The following MAML3 variants were observed in gnomAD, a reference collection of about 807,000 sequenced individuals.
The protein encoded by MAML3 is mastermind like transcriptional coactivator 3.
MAML3 carries 27 observed loss-of-function variants against 101.9 expected under a neutral mutation model. The ratio of observed to expected loss-of-function variants is 0.27; its 90% CI spans 0.20 to 0.37. The LOEUF is 0.37. Among genes scored for constraint, MAML3 ranks in the 10% least tolerant of loss-of-function variants. The pLI is 1.00. For missense variants in MAML3, 1,316 were observed against 1,444.9 expected, an observed-to-expected ratio of 0.91 and a Z score of 1.45; for synonymous variants, 501 against 555.9, an observed-to-expected ratio of 0.90 and a Z score of 1.39.
chr4:139,737,346 G>T (rs1728985654), intron 2 of MAML3, among the ~76,000 whole-genome samples: 1 of 88,488 alleles, frequency 1.1e-5, no homozygotes, highest in South Asian at 4.5e-4. Flanking sequence ...TTTCTGAGAG[G>T]TTAAGGAACT....
chr4:139,728,731 C>T (rs1470091451), intron 3 of MAML3, among the ~76,000 whole-genome samples: 1 of 152,186 alleles, frequency 6.6e-6, no homozygotes, highest in Admixed American at 6.5e-5. Context: ...TCTCCCCTGA[C>T]CTCTCACCTC....
intron 2 of MAML3, among the ~76,000 whole-genome samples, chr4:139,786,825 C>T (rs142328547): frequency 6.6e-6 from 1 of 152,130 alleles, no homozygotes; most frequent in Admixed American, 6.5e-5. Flanking sequence ...CAGGTTAATG[C>T]TAGTACAGTT....
intron 1 of MAML3, among the ~76,000 whole-genome samples, chr4:140,107,017 C>T (rs180837331): frequency 4.3e-4 from 65 of 152,070 alleles, no homozygotes; most frequent in African/African-American, 1.4e-3. Context: ...ATTACAGGCA[C>T]CTGCTACCAT....
At chr4:140,011,137 ACACATATGTC>A (rs1726550272) in intron 1 of MAML3, among the ~76,000 whole-genome samples, 1 of 114,758 alleles carries the variant, frequency 8.7e-6, no homozygotes, top group South Asian at 2.9e-4. Flanking sequence ...ATATATATAT[ACACATATGTC>A]ATATATATTT....
chr4:139,789,606 T>G (rs1029295107), intron 2 of MAML3, among the ~76,000 whole-genome samples: 1 of 152,066 alleles, frequency 6.6e-6, no homozygotes, highest in Admixed American at 6.5e-5. Flanking sequence ...TTGAATGTCA[T>G]GTAAGCAGTT....
rs1560883570 is a variant in MAML3 at position 140,069,408 on chromosome 4, GA to G, written c.468+83451del. ...GAAGGAGGAGGAGGAGGAGGAGGAG[GA>G]GGAGGAGGAGGGGAAGGAGGAGAAG... is the stretch of plus-strand genomic sequence containing the variant. On this transcript the variant is annotated intron_variant, in intron 1 of 4. Transcript: ENST00000509479. Among the ~76,000 whole-genome samples the G allele has an allele frequency of 1.6e-3, 161 of 102,550 alleles. 8 individuals are homozygous for G. The highest frequency in any genetic ancestry group is 6.6e-3 in the African/African-American group (152 of 22,972). The allele number at this position is 102,550 out of a possible 152,430, so 67.3% of individuals were successfully genotyped here.
chr4:139,836,179 C>T (rs1578624162), intron 2 of MAML3, among the ~76,000 whole-genome samples: 1 of 152,240 alleles, frequency 6.6e-6, no homozygotes, highest in Non-Finnish European at 1.5e-5. Context: ...AGATAAACTA[C>T]ATCATAAAGT....
At chr4:140,127,579 T>C (rs1266161016) in intron 1 of MAML3, among the ~76,000 whole-genome samples, 1 of 152,150 alleles carries the variant, frequency 6.6e-6, no homozygotes, top group Non-Finnish European at 1.5e-5. Flanking sequence ...CTCTACTTTT[T>C]TGGAGAAAAC....
At chr4:140,055,000 A>G (rs896661565) in intron 1 of MAML3, among the ~76,000 whole-genome samples, 3 of 152,238 alleles carry the variant, frequency 2.0e-5, no homozygotes, top group Non-Finnish European at 4.4e-5. Flanking sequence ...ACCTCTTGAA[A>G]TAACAAATTT....
chr4:140,153,717 T>G lies in MAML3; in HGVS notation c.-390A>C, dbSNP rs1446419750. Reference sequence around the variant, plus strand: ...TAAATTCCAGGAGATTTCCGGTGGTTGGCAAGCATTTTCTCCCTACATACC... The same window carrying G: ...TAAATTCCAGGAGATTTCCGGTGGTGGGCAAGCATTTTCTCCCTACATACC... On this transcript the variant is annotated 5_prime_UTR_variant, in exon 1 of 5. Transcript: ENST00000509479. 1 of 194,628 alleles carries G rather than the reference T, an allele frequency of 5.1e-6. No homozygotes were observed. Among genetic ancestry groups the G allele is most frequent in the East Asian group, 1.5e-4 (1 of 6,708 alleles). 12.1% of individuals were successfully genotyped at this position (194,628 alleles called of 1,614,324 possible).
chr4:140,148,211 G>T (rs1003955792), intron 1 of MAML3, among the ~76,000 whole-genome samples: 4 of 152,132 alleles, frequency 2.6e-5, no homozygotes, highest in African/African-American at 9.7e-5. Context: ...AGGATAGAAA[G>T]TATCAAGCAT....
At chr4:139,838,893 G>C (rs1449372595) in intron 2 of MAML3, among the ~76,000 whole-genome samples, 2 of 152,276 alleles carry the variant, frequency 1.3e-5, no homozygotes, top group East Asian at 3.9e-4. Context: ...CAATGGTGTT[G>C]TGGTTTGCTT....
intron 1 of MAML3, among the ~76,000 whole-genome samples, chr4:140,103,171 C>G: frequency 6.6e-6 from 1 of 152,128 alleles, no homozygotes; most frequent in East Asian, 1.9e-4. Context: ...AGATAATATA[C>G]AATTTAATTT....
chr4:140,094,154 A>ATTTC (rs1728110589), intron 1 of MAML3, among the ~76,000 whole-genome samples: 1 of 152,038 alleles, frequency 6.6e-6, no homozygotes, highest in Admixed American at 6.5e-5. Flanking sequence ...TTACATCAGG[A>ATTTC]TTTCATCCAG....
chr4:140,008,450 CCAAA>C (rs1197446945), intron 1 of MAML3, among the ~76,000 whole-genome samples: 10 of 152,282 alleles, frequency 6.6e-5, no homozygotes, highest in Middle Eastern at 3.4e-3. Flanking sequence ...CATTTTCTGA[CCAAA>C]CACTTTTTCA....
chr4:139,797,961 G>C (rs1730539796), intron 2 of MAML3, among the ~76,000 whole-genome samples: 1 of 150,726 alleles, frequency 6.6e-6, no homozygotes, highest in South Asian at 2.1e-4. Flanking sequence ...GGGGTGAAGG[G>C]ACCTGAAGTA....
chr4:139,758,571 T>C (rs1055169841), intron 2 of MAML3, among the ~76,000 whole-genome samples: 6 of 152,176 alleles, frequency 3.9e-5, no homozygotes, highest in Non-Finnish European at 8.8e-5. Context: ...GCCAAGCTCT[T>C]GACATGAGAG....
intron 1 of MAML3, 58 bp downstream of exon 1, chr4:140,152,802 C>CCCACCA: frequency 1.9e-6 from 3 of 1,563,568 alleles, no homozygotes; most frequent in South Asian, 1.2e-5. Context: ...CCACGCGCCC[C>CCCACCA]CCACCACCAC....
At position 139,899,517 on chromosome 4, in the gene MAML3, C is replaced by T. The variant is rs566814472; in HGVS notation, c.469-8550G>A. Among the ~76,000 whole-genome samples the T allele has an allele frequency of 1.8e-4, 27 of 152,094 alleles. No homozygotes were observed. The South Asian group carries it at 4.4e-3, about 25-fold the overall frequency. On this transcript the variant is annotated intron_variant, in intron 1 of 4. Transcript: ENST00000509479. ...TGAGGGGTGCTCTGTGTCTGCGTGT[C>T]GGGCTCTGCGCCAGGTGCCAAAGGC...
Sources: gnomAD v4.1 joint callset for allele counts (sites outside exome capture counted in the v4.1 genomes callset) on GRCh38, gnomAD v4.1.1 for gene constraint, MANE v1.5 for transcripts, NCBI Gene and HGNC (gene_info 2026-07-23, HGNC 2026-07-21) for gene names.